The following TPTE variants were observed in gnomAD, a reference collection of about 807,000 sequenced individuals.
TPTE encodes the protein putative tyrosine-protein phosphatase TPTE.
In TPTE, 59 loss-of-function variants were observed where a neutral mutation model predicts 84.1. The ratio of observed to expected loss-of-function variants is 0.70; its 90% confidence interval spans 0.57 to 0.87. The LOEUF (loss-of-function observed/expected upper bound fraction) is 0.87. Among genes scored for constraint, TPTE ranks in the 40% least tolerant of loss-of-function variants. TPTE has a pLI of 0.00. For synonymous variants in TPTE, 130 were observed against 223.5 expected (o/e 0.58, Z 3.73); for missense variants, 382 against 659.6 (o/e 0.58, Z 4.61).
chr21:10,565,111 A>G (rs2074894415), intron 10 of TPTE, among the ~76,000 whole-genome samples: 1 of 152,308 alleles, frequency 6.6e-6, no homozygotes, highest in Admixed American at 6.5e-5. Context: ...GGAAAATACT[A>G]AAGACTCCAC....
chr21:10,594,475 A>G (rs1375528823), intron 19 of TPTE, among the ~76,000 whole-genome samples: 5 of 152,416 alleles, frequency 3.3e-5, no homozygotes, highest in Admixed American at 6.5e-5. Flanking sequence ...AGTGCCTCCT[A>G]TGTGTTGGTT....
At chr21:10,591,629 A>G (rs928392512) in intron 18 of TPTE, among the ~76,000 whole-genome samples, 2 of 152,312 alleles carry the variant, frequency 1.3e-5, no homozygotes, top group Non-Finnish European at 2.9e-5. Context: ...CCATTGATCC[A>G]GAGCCCTAGA....
At chr21:10,560,341 T>TATTATTCAAAA in intron 9 of TPTE, among the ~76,000 whole-genome samples, 1 of 152,306 alleles carries the variant, frequency 6.6e-6, no homozygotes, top group Non-Finnish European at 1.5e-5. Flanking sequence ...TCCTTTTGAA[T>TATTATTCAAAA]TAATAATATT....
chr21:10,555,249 C>G (rs2074658963), intron 8 of TPTE, among the ~76,000 whole-genome samples: 1 of 152,292 alleles, frequency 6.6e-6, no homozygotes, highest in African/African-American at 2.4e-5. Flanking sequence ...CGCTCTGTCA[C>G]CAGGCTGGAG....
intron 5 of TPTE, among the ~76,000 whole-genome samples, chr21:10,541,431 C>T (rs938794362): frequency 6.6e-6 from 1 of 152,418 alleles, no homozygotes; most frequent in South Asian, 2.1e-4. Flanking sequence ...TGAGAACATG[C>T]CGCTGCATTC....
At chr21:10,544,638 C>G (rs1003767059) in intron 7 of TPTE, among the ~76,000 whole-genome samples, 9 of 152,306 alleles carry the variant, frequency 5.9e-5, no homozygotes, top group Non-Finnish European at 1.0e-4. Context: ...CCCGCCTCAG[C>G]CTCCCAAACT....
intron 2 of TPTE, among the ~76,000 whole-genome samples, chr21:10,524,958 C>G (rs1475118439): frequency 7.3e-4 from 112 of 152,388 alleles, no homozygotes; most frequent in African/African-American, 2.5e-3. Context: ...AAAAACAAAC[C>G]AAGCCTCATT....
chr21:10,525,139 C>T (rs1167120272), intron 2 of TPTE, among the ~76,000 whole-genome samples: 1 of 152,310 alleles, frequency 6.6e-6, no homozygotes, highest in African/African-American at 2.4e-5. Flanking sequence ...TCAGTGGTCC[C>T]ATCTCAATTA....
chr21:10,604,911 T>A (rs1001834730), intron 23 of TPTE, among the ~76,000 whole-genome samples: 1 of 152,312 alleles, frequency 6.6e-6, no homozygotes, highest in African/African-American at 2.4e-5. Context: ...AAATGCTAAC[T>A]TCTATCATTG....
intron 14 of TPTE, among the ~76,000 whole-genome samples, chr21:10,576,972 A>C (rs1383229900): frequency 6.6e-6 from 1 of 152,298 alleles, no homozygotes; most frequent in Non-Finnish European, 1.5e-5. Context: ...CAGTTATTTA[A>C]AATTTGATAT....
rs543088890 is a variant in TPTE at position 10,552,618 on chromosome 21, T to A, written c.174-39T>A. ...TCATCACTATTTTGTGTAGCAAATATCTAATGATATATTTTTGCTTTTTTT... is the reference window on the plus strand; with the variant it reads ...TCATCACTATTTTGTGTAGCAAATAACTAATGATATATTTTTGCTTTTTTT... On this transcript the variant is annotated intron_variant, in intron 7 of 23. Coordinates refer to ENST00000618007, the MANE Select transcript of TPTE (RefSeq NM_199261.4). 4.5e-5 allele frequency: 73 copies of A among 1,613,498 alleles called. No individual in the cohort carries two copies. In the East Asian group the frequency reaches 1.6e-3, roughly 36 times the overall value.
At chr21:10,539,285 C>T (rs1379050067) in intron 4 of TPTE, among the ~76,000 whole-genome samples, 2 of 152,308 alleles carry the variant, frequency 1.3e-5, no homozygotes, top group Non-Finnish European at 2.9e-5. Flanking sequence ...ACTTGTCCCT[C>T]ACACTCCAGA....
At chr21:10,565,917 A>G (rs1449134906) in intron 10 of TPTE, among the ~76,000 whole-genome samples, 2 of 152,308 alleles carry the variant, frequency 1.3e-5, no homozygotes, top group Admixed American at 1.3e-4. Flanking sequence ...ACAAGAGAAC[A>G]TTGGGAAGAA....
At chr21:10,594,308 A>G (rs1245572361) in intron 19 of TPTE, among the ~76,000 whole-genome samples, 2 of 152,308 alleles carry the variant, frequency 1.3e-5, no homozygotes, top group Non-Finnish European at 2.9e-5. Context: ...TGCTTTTTCA[A>G]TTCTTAGAGC....
chr21:10,539,461 G>C (rs544726423), intron 4 of TPTE, among the ~76,000 whole-genome samples: 63 of 152,402 alleles, frequency 4.1e-4, no homozygotes, highest in African/African-American at 1.5e-3. Flanking sequence ...CAGGAAGTGG[G>C]CCATAGATGG....
At chr21:10,543,959 C>T (rs1234152928) in intron 7 of TPTE, among the ~76,000 whole-genome samples, 1 of 152,308 alleles carries the variant, frequency 6.6e-6, no homozygotes, top group Non-Finnish European at 1.5e-5. Flanking sequence ...CTAGACCCAG[C>T]CCAAACCCAC....
At chr21:10,544,243 T>G (rs1229010061) in intron 7 of TPTE, among the ~76,000 whole-genome samples, 3 of 152,304 alleles carry the variant, frequency 2.0e-5, no homozygotes, top group African/African-American at 7.2e-5. Context: ...TAAGGAAACA[T>G]CTAGGTGAGA....
chr21:10,535,079 T>C (rs1414214556), intron 3 of TPTE, among the ~76,000 whole-genome samples: 27 of 152,284 alleles, frequency 1.8e-4, no homozygotes, highest in Non-Finnish European at 3.7e-4. Flanking sequence ...ACCTCTTTGC[T>C]AGCTTTTTCT....
At chr21:10,554,767 TTTC>T (rs1191515821) in intron 8 of TPTE, among the ~76,000 whole-genome samples, 1 of 152,312 alleles carries the variant, frequency 6.6e-6, no homozygotes, top group Non-Finnish European at 1.5e-5. Context: ...TTGAATTTAT[TTTC>T]TTCATTTAAA....
Sources: allele counts gnomAD v4.1 joint callset (sites outside exome capture counted in the v4.1 genomes callset), GRCh38; gene constraint gnomAD v4.1.1; transcripts MANE v1.5; gene names NCBI Gene and HGNC (gene_info 2026-07-23, HGNC 2026-07-21).